Variants in PRKN observed in about 807,000 individuals in gnomAD.
PRKN encodes parkin RBR E3 ubiquitin protein ligase.
Under a neutral mutation model 59.5 loss-of-function variants are expected in PRKN, and 56 were observed. The observed-to-expected ratio is 0.94, with a 90% CI of 0.76 to 1.18. PRKN has a LOEUF of 1.18. PRKN is among the 50% of genes most tolerant of loss of function. PRKN has a pLI of 0.00. For missense variants in PRKN, 657 were observed against 596.4 expected, an observed-to-expected ratio of 1.10 and a Z score of -1.06; for synonymous variants, 250 against 222.1, an observed-to-expected ratio of 1.13 and a Z score of -1.12.
rs1215450792 is a variant in PRKN, at chr6:161,552,344, G to A, written c.934-3341C>T. On this transcript the variant is annotated intron_variant, in intron 8 of 11. Transcript: ENST00000366898. This position sits in a 1 kb window ranked among gnomAD's most constrained non-coding sequence, Gnocchi z 4.9. ...TTCACCTCCGCCTATGACTGTGAAT[G>A]ATCTCACGGTGATCCTCCAAGCCCC... is the stretch of plus-strand genomic sequence containing the variant. 4.0e-3 allele frequency among the ~76,000 whole-genome samples: 557 copies of A among 139,638 alleles called. 43 individuals are homozygous for A. Among genetic ancestry groups the A allele is most frequent in the African/African-American group, 0.016 (542 of 33,700 alleles). 91.6% of individuals were successfully genotyped at this position (139,638 alleles called of 152,430 possible). A position where few individuals can be genotyped will look rare whatever the true frequency, so the allele number is the denominator to read the frequency against.
chr6:161,963,283 C>T (rs1780455077), intron 6 of PRKN, among the ~76,000 whole-genome samples: 1 of 152,224 alleles, frequency 6.6e-6, no homozygotes, highest in Non-Finnish European at 1.5e-5. Flanking sequence ...TGCAATATTG[C>T]CCTGCTCTTC....
chr6:162,489,374 G>T (rs1393039364), intron 1 of PRKN, among the ~76,000 whole-genome samples: 1 of 152,074 alleles, frequency 6.6e-6, no homozygotes, highest in Non-Finnish European at 1.5e-5. Context: ...AGTGCACAAA[G>T]TAAAACATTA....
chr6:161,381,134 T>C (rs1785965035), intron 10 of PRKN, among the ~76,000 whole-genome samples: 1 of 152,266 alleles, frequency 6.6e-6, no homozygotes, highest in Non-Finnish European at 1.5e-5. Flanking sequence ...GCTTCAACTC[T>C]GCCTCACTCA....
chr6:161,734,349 G>A (rs897167893), intron 7 of PRKN, among the ~76,000 whole-genome samples: 2 of 152,146 alleles, frequency 1.3e-5, no homozygotes, highest in Non-Finnish European at 2.9e-5. Flanking sequence ...TTCCCTAGCT[G>A]TAATATCTCC....
At chr6:161,895,902 A>C (rs1444217235) in intron 6 of PRKN, among the ~76,000 whole-genome samples, 1 of 152,156 alleles carries the variant, frequency 6.6e-6, no homozygotes, top group East Asian at 1.9e-4. Context: ...AGTGAAGGAA[A>C]AATAGGAATT....
At chr6:161,936,972 G>T (rs1779383057) in intron 6 of PRKN, among the ~76,000 whole-genome samples, 1 of 152,060 alleles carries the variant, frequency 6.6e-6, no homozygotes, top group African/African-American at 2.4e-5. Flanking sequence ...TTTTAGTAGA[G>T]ACAGGGTTTC....
chr6:161,595,682 G>A (rs1430527833), intron 7 of PRKN, among the ~76,000 whole-genome samples: 1 of 152,132 alleles, frequency 6.6e-6, no homozygotes, highest in Non-Finnish European at 1.5e-5. Flanking sequence ...GCAGGGTGAG[G>A]TCAGCCCAAA....
chr6:162,532,850 T>C (rs1419695775), intron 1 of PRKN, among the ~76,000 whole-genome samples: 2 of 152,172 alleles, frequency 1.3e-5, no homozygotes, highest in East Asian at 3.9e-4. Flanking sequence ...TTTCTCTCCC[T>C]GGGGGGATAC....
At chr6:162,151,674 T>C (rs2023049) in intron 4 of PRKN, among the ~76,000 whole-genome samples, 144,337 of 152,272 alleles carry the variant, frequency 0.95, 68,730 homozygotes, top group Non-Finnish European at 1. Context: ...AAATCTACCA[T>C]GGACCATAAC....
intron 1 of PRKN, chr6:162,624,426 C>T (rs1473123731): frequency 6.6e-6 from 1 of 152,058 alleles, no homozygotes; most frequent in Non-Finnish European, 1.5e-5. Flanking sequence ...TTCCATGTAA[C>T]CACAGCAATG....
chr6:161,707,275 T>C (rs983913533), intron 7 of PRKN, among the ~76,000 whole-genome samples: 1 of 124,870 alleles, frequency 8.0e-6, no homozygotes, highest in African/African-American at 2.7e-5. Context: ...TGTACAGTTA[T>C]AAGAGAAAGA....
At chr6:162,051,725 C>T (rs1222629865) in intron 5 of PRKN, among the ~76,000 whole-genome samples, 1 of 152,134 alleles carries the variant, frequency 6.6e-6, no homozygotes, top group Non-Finnish European at 1.5e-5. Context: ...TCCTCTCCAT[C>T]CTGGTGGGGC....
At chr6:162,091,934 G>A (rs1372680998) in intron 4 of PRKN, among the ~76,000 whole-genome samples, 1 of 152,148 alleles carries the variant, frequency 6.6e-6, no homozygotes, top group African/African-American at 2.4e-5. Flanking sequence ...TAGTTGGGAG[G>A]CTGAGGTGGG....
chr6:161,394,038 G>C (rs866007588), intron 9 of PRKN, among the ~76,000 whole-genome samples: 13 of 152,214 alleles, frequency 8.5e-5, no homozygotes, highest in African/African-American at 2.6e-4. Flanking sequence ...TCTGTAAAGG[G>C]AATCTATCAA....
At chr6:161,753,808 G>A (rs985199122) in intron 7 of PRKN, among the ~76,000 whole-genome samples, 1 of 152,158 alleles carries the variant, frequency 6.6e-6, no homozygotes, top group African/African-American at 2.4e-5. Context: ...TGGGTTGTGA[G>A]GCAATGAGAA....
intron 1 of PRKN, among the ~76,000 whole-genome samples, chr6:162,631,541 T>C (rs1783108841): frequency 6.6e-6 from 1 of 152,098 alleles, no homozygotes; most frequent in South Asian, 2.1e-4. Context: ...ATTTTTTTTA[T>C]TGTGTTTTGC....
chr6:161,499,076 G>A lies in PRKN; in HGVS notation c.1083+49778C>T, dbSNP rs969243624. On this transcript the variant is annotated intron_variant, in intron 9 of 11. Coordinates refer to ENST00000366898, the MANE Select transcript of PRKN (RefSeq NM_004562.3). This position sits in a 1 kb window ranked among gnomAD's most constrained non-coding sequence, Gnocchi z 4.2. Reference sequence around the variant, plus strand: ...AACCAACCTTCCCAGCTAGGGTTTCGTTCAAAGGTCACAACTGGTGGCTTG... The same window carrying A: ...AACCAACCTTCCCAGCTAGGGTTTCATTCAAAGGTCACAACTGGTGGCTTG... Among the ~76,000 whole-genome samples, 4 of 150,496 alleles carry A rather than the reference G, an allele frequency of 2.7e-5. No homozygotes were observed. The highest frequency in any genetic ancestry group is 5.9e-5 in the Non-Finnish European group (4 of 67,902).
intron 2 of PRKN, among the ~76,000 whole-genome samples, chr6:162,308,052 T>C (rs1274022645): frequency 6.6e-6 from 1 of 152,184 alleles, no homozygotes; most frequent in African/African-American, 2.4e-5. Context: ...TCCTTTCTAA[T>C]AAGAAAGGAT....
At chr6:161,574,416 C>T (rs748580794) in intron 7 of PRKN, among the ~76,000 whole-genome samples, 1 of 152,118 alleles carries the variant, frequency 6.6e-6, no homozygotes, top group Admixed American at 6.5e-5. Context: ...TTAAGCATCA[C>T]CTCCCTCACA....
Sources: allele counts gnomAD v4.1 joint callset (sites outside exome capture counted in the v4.1 genomes callset), GRCh38; gene constraint gnomAD v4.1.1; non-coding constraint Gnocchi (gnomAD v3.1); transcripts MANE v1.5; gene names NCBI Gene and HGNC (gene_info 2026-07-23, HGNC 2026-07-21).